The following CD99 variants were observed in gnomAD, a reference collection of about 807,000 sequenced individuals.
CD99 encodes CD99 molecule (Xg blood group), also known as CD99 antigen.
Under a neutral mutation model 28.4 loss-of-function variants are expected in CD99, and 19 were observed. The observed-to-expected ratio is 0.67, with a 90% CI of 0.47 to 0.98. The LOEUF (loss-of-function observed/expected upper bound fraction) is 0.98. CD99 is among the 50% of genes least tolerant of loss of function. The pLI is 0.00. For synonymous variants in CD99, 103 were observed against 92.1 expected, an observed-to-expected ratio of 1.12 and a Z score of -0.67; for missense variants, 283 against 248.8, an observed-to-expected ratio of 1.14 and a Z score of -0.92.
At position 2,691,511 on chromosome X, in the gene CD99, G is replaced by A. The variant is rs1461236715; in HGVS notation, c.67+84G>A. The A allele has an allele frequency of 5.6e-6, 8 of 1,430,700 alleles. No homozygotes were observed. The East Asian group carries it at 1.7e-4, about 31-fold the overall frequency. The allele number at this position is 1,430,700 out of a possible 1,614,324, so 88.6% of individuals were successfully genotyped here. ...ATCCGCTTGAGATGCGGCGTTGGGGGCGCCCCGCGGGGACACCCGGAGCCT... is the reference window on the plus strand; with the variant it reads ...ATCCGCTTGAGATGCGGCGTTGGGGACGCCCCGCGGGGACACCCGGAGCCT... On this transcript the variant is annotated intron_variant, in intron 1 of 9. Transcript: ENST00000381192.
intron 8 of CD99, 23 bp from the exon 9 acceptor site, chrX:2,738,177 G>C (rs1263811603): frequency 4.5e-5 from 72 of 1,611,160 alleles, no homozygotes; most frequent in Non-Finnish European, 5.8e-5. Context: ...GAGCCTCTCT[G>C]TGTATTTTCT....
intron 1 of CD99, among the ~76,000 whole-genome samples, chrX:2,713,860 C>T (rs1007637742): frequency 1.3e-5 from 2 of 152,190 alleles, no homozygotes; most frequent in Non-Finnish European, 2.9e-5. Context: ...CCAGAGATGG[C>T]CAGCCACGTT....
In CD99 at chrX:2,691,802, C is replaced by G. The variant is rs746800125; in HGVS notation, c.67+375C>G. On this transcript the variant is annotated intron_variant, in intron 1 of 9. Transcript: ENST00000381192. The stretch of plus-strand genomic sequence containing the variant: ...TCTACCCCCAGGGTTTGGGGACCTG[C>G]GTCTTCAGGCCGCGCGCGGAGGCCG... The G allele has an allele frequency of 3.7e-5, 29 of 774,568 alleles. No individual in the cohort carries two copies. The African/African-American group carries it at 4.9e-4, about 13-fold the overall frequency. 48.0% of individuals were successfully genotyped at this position (774,568 alleles called of 1,614,324 possible).
chrX:2,693,182 C>T (rs371226801), intron 1 of CD99, among the ~76,000 whole-genome samples: 31 of 151,162 alleles, frequency 2.1e-4, no homozygotes, highest in African/African-American at 7.5e-4. Context: ...TTCACTCTGT[C>T]ACCAGTCTGG....
chrX:2,713,794 A>G (rs1418221672), intron 1 of CD99, among the ~76,000 whole-genome samples: 1 of 152,208 alleles, frequency 6.6e-6, no homozygotes, highest in African/African-American at 2.4e-5. Context: ...CCAGTTGACC[A>G]AACAGTCCAA....
chrX:2,731,204 G>A (rs2049586258), intron 8 of CD99, among the ~76,000 whole-genome samples: 1 of 152,194 alleles, frequency 6.6e-6, no homozygotes, highest in African/African-American at 2.4e-5. Context: ...CGATTTCCGG[G>A]ATGGTGATTT....
rs190420314 is a variant in CD99 at position 2,695,332 on chromosome X, A to G, written c.67+3905A>G. On this transcript the variant is annotated intron_variant, in intron 1 of 9. Transcript: ENST00000381192. ...GCAGTTCTCCTGCCTCAGCCTCCCA[A>G]TTAGCTGGGACTACAGGCATGCACT... 1.9e-3 allele frequency among the ~76,000 whole-genome samples: 294 copies of G among 152,124 alleles called. 1 individual carries two copies. The highest frequency in any genetic ancestry group is 6.6e-3 in the African/African-American group (273 of 41,504).
chrX:2,726,595 C>A (rs1480635664), intron 8 of CD99, among the ~76,000 whole-genome samples: 1 of 152,168 alleles, frequency 6.6e-6, no homozygotes, highest in Non-Finnish European at 1.5e-5. Context: ...TTCCCCACTG[C>A]TGCAGTGCTT....
intron 7 of CD99, among the ~76,000 whole-genome samples, chrX:2,725,467 G>A (rs991598652): frequency 1.1e-4 from 16 of 152,182 alleles, no homozygotes; most frequent in African/African-American, 3.9e-4. Flanking sequence ...GAAACCCAAA[G>A]CTATCTTCAA....
At chrX:2,729,168 C>G (rs1412809579) in intron 8 of CD99, among the ~76,000 whole-genome samples, 1 of 152,132 alleles carries the variant, frequency 6.6e-6, no homozygotes, top group Non-Finnish European at 1.5e-5. Context: ...TTGTTGAACA[C>G]TTTTGCATTA....
chrX:2,717,758 G>T, intron 3 of CD99, 106 bp downstream of exon 3: 1 of 974,484 alleles, frequency 1.0e-6, no homozygotes, highest in Middle Eastern at 2.1e-4. Flanking sequence ...TGATTTGAGT[G>T]CTCCGGCTGG....
intron 8 of CD99, chrX:2,733,642 T>C (rs1246267690): frequency 9.2e-6 from 5 of 543,524 alleles, no homozygotes; most frequent in Non-Finnish European, 1.6e-5. Flanking sequence ...GCAGATATTT[T>C]CTTTTAAACA....
intron 3 of CD99, chrX:2,718,986 C>A (rs2048871699): frequency 6.6e-6 from 1 of 152,286 alleles, no homozygotes; most frequent in South Asian, 2.1e-4. Context: ...TGAATTTATA[C>A]TATCATAGTC....
At chrX:2,712,965 CACCT>C (rs1233883042) in intron 1 of CD99, among the ~76,000 whole-genome samples, 1 of 151,566 alleles carries the variant, frequency 6.6e-6, no homozygotes, top group African/African-American at 2.4e-5. Flanking sequence ...ACACTACACA[CACCT>C]ACACATACAC....
intron 1 of CD99, among the ~76,000 whole-genome samples, chrX:2,702,969 A>G (rs1274623857): frequency 2.6e-5 from 4 of 152,014 alleles, no homozygotes; most frequent in African/African-American, 4.8e-5. Flanking sequence ...TTGTATTTTT[A>G]GTAGAGACGG....
intron 4 of CD99, among the ~76,000 whole-genome samples, chrX:2,719,949 C>T (rs1293269233): frequency 1.3e-5 from 2 of 152,160 alleles, no homozygotes; most frequent in East Asian, 1.9e-4. Flanking sequence ...AATGTGCCTA[C>T]CCTGGCCAGG....
At chrX:2,716,114 G>C (rs2124559178) in intron 2 of CD99, among the ~76,000 whole-genome samples, 1 of 151,862 alleles carries the variant, frequency 6.6e-6, no homozygotes, top group East Asian at 1.9e-4. Flanking sequence ...TGCCTCCCGG[G>C]TTCAAGTGAT....
At chrX:2,711,551 C>G (rs1228891312) in intron 1 of CD99, among the ~76,000 whole-genome samples, 1 of 151,740 alleles carries the variant, frequency 6.6e-6, no homozygotes, top group African/African-American at 2.4e-5. Context: ...GACATGCAGT[C>G]AATGGAAGAG....
chrX:2,692,546 C>T (rs2047374658), intron 1 of CD99, among the ~76,000 whole-genome samples: 1 of 152,214 alleles, frequency 6.6e-6, no homozygotes, highest in Non-Finnish European at 1.5e-5. Flanking sequence ...AGAAATTGTG[C>T]TTTCACTTGG....
Sources: allele counts gnomAD v4.1 joint callset (sites outside exome capture counted in the v4.1 genomes callset), GRCh38; gene constraint gnomAD v4.1.1; transcripts MANE v1.5; gene names NCBI Gene and HGNC (gene_info 2026-07-23, HGNC 2026-07-21).